ANK3: variants seen among roughly 807,000 people sequenced by gnomAD.
ANK3 encodes ankyrin 3.
ANK3 carries 57 observed loss-of-function variants against 370.9 expected under a neutral mutation model. The observed-to-expected ratio is 0.15, with a 90% CI of 0.12 to 0.19. ANK3 has a LOEUF of 0.19. Ranked by LOEUF, ANK3 falls within the 10% of genes least tolerant of loss-of-function variation. ANK3 has a pLI of 1.00. For missense variants in ANK3, 4,439 were observed against 5,302.1 expected, an observed-to-expected ratio of 0.84 and a Z score of 5.06; for synonymous variants, 1,929 against 1,946.3, an observed-to-expected ratio of 0.99 and a Z score of 0.23.
chr10:60,172,739 G>C (rs1239682728), intron 20 of ANK3, among the ~76,000 whole-genome samples, 161 bp downstream of exon 20: 1 of 152,000 alleles, frequency 6.6e-6, no homozygotes, highest in Non-Finnish European at 1.5e-5. Flanking sequence ...CTCTCTCTCT[G>C]AACAGCTCAG....
chr10:60,648,826 C>A (rs973726646), intron 1 of ANK3, among the ~76,000 whole-genome samples: 6 of 149,870 alleles, frequency 4.0e-5, no homozygotes, highest in African/African-American at 1.2e-4. Context: ...CCTCTTCCCA[C>A]CCCAGATACA....
At chr10:60,289,844 A>G (rs1190268274) in intron 1 of ANK3, among the ~76,000 whole-genome samples, 1 of 152,204 alleles carries the variant, frequency 6.6e-6, no homozygotes, top group Admixed American at 6.5e-5. Context: ...AAATGTGTTT[A>G]TTTAGAATAA....
intron 1 of ANK3, among the ~76,000 whole-genome samples, chr10:60,357,105 T>C (rs7073138): frequency 0.029 from 4,488 of 152,264 alleles, 226 homozygotes; most frequent in African/African-American, 0.1. Flanking sequence ...CCATCGTTTT[T>C]ACTCCACTAT....
At chr10:60,110,906 G>A (rs2092663545) in intron 26 of ANK3, among the ~76,000 whole-genome samples, 1 of 152,044 alleles carries the variant, frequency 6.6e-6, no homozygotes, top group African/African-American at 2.4e-5. Context: ...CACTGAGAGG[G>A]GAATGTTTGC....
At chr10:60,583,532 T>TTTTTTG (rs1330363564) in intron 2 of ANK3, among the ~76,000 whole-genome samples, 2 of 150,528 alleles carry the variant, frequency 1.3e-5, no homozygotes, top group East Asian at 1.9e-4. Context: ...TTTGTTTTTT[T>TTTTTTG]TTGAGGTGGA....
intron 34 of ANK3, 190 bp from the exon 35 acceptor site, chr10:60,082,366 G>A (rs948418347): frequency 1.2e-5 from 8 of 676,070 alleles, no homozygotes; most frequent in African/African-American, 3.7e-5. Flanking sequence ...AACATATGAC[G>A]TTATTTAAAA....
chr10:60,488,194 C>T (rs1938529), intron 2 of ANK3, among the ~76,000 whole-genome samples: 59,137 of 151,856 alleles, frequency 0.39, 11,794 homozygotes, highest in Non-Finnish European at 0.42. Flanking sequence ...TTTGGATTTT[C>T]TTTGCATGTC....
intron 2 of ANK3, among the ~76,000 whole-genome samples, chr10:60,395,713 G>A (rs1305269566): frequency 1.3e-5 from 2 of 151,738 alleles, no homozygotes; most frequent in African/African-American, 4.8e-5. Context: ...TGTGCCGAAA[G>A]AAGCATTCGT....
intron 13 of ANK3, among the ~76,000 whole-genome samples, chr10:60,199,714 C>G (rs749008963): frequency 4.1e-4 from 63 of 152,196 alleles, no homozygotes; most frequent in Admixed American, 9.2e-4. Context: ...AAAAAATCCC[C>G]CATTTTCCTT....
chr10:60,247,867 A>G (rs975881553), intron 7 of ANK3, among the ~76,000 whole-genome samples: 1 of 152,160 alleles, frequency 6.6e-6, no homozygotes, highest in African/African-American at 2.4e-5. Context: ...GCATTTCACC[A>G]TGTTGGCTAG....
chr10:60,209,954 A>C lies in ANK3; in HGVS notation c.997-1721T>G, dbSNP rs554086301. Among the ~76,000 whole-genome samples the C allele has an allele frequency of 2.0e-5, 3 of 152,314 alleles. No homozygotes were observed. The South Asian group carries it at 6.2e-4, about 32-fold the overall frequency. Reference sequence around the variant, plus strand: ...GAAGGACAAGAAAACAGTAAAGAAAAGATCATCTGCCCTATGGAAAGAGGT... The same window carrying C: ...GAAGGACAAGAAAACAGTAAAGAAACGATCATCTGCCCTATGGAAAGAGGT... On this transcript the variant is annotated intron_variant, in intron 9 of 43. Transcript: ENST00000280772.
At chr10:60,255,951 G>T (rs989718602) in intron 7 of ANK3, among the ~76,000 whole-genome samples, 1 of 152,170 alleles carries the variant, frequency 6.6e-6, no homozygotes, top group Non-Finnish European at 1.5e-5. Flanking sequence ...TGGTAAAGGG[G>T]TTCCCACTTG....
chr10:60,703,491 T>C lies in ANK3; in HGVS notation c.57+29772A>G, dbSNP rs1421946447. Among the ~76,000 whole-genome samples, 5 of 152,328 alleles carry C rather than the reference T, an allele frequency of 3.3e-5. No homozygotes were observed. In the East Asian group the frequency reaches 9.6e-4, roughly 29 times the overall value. ...TTCTACTACTCTGTCGGATTTTGTA[T>C]GTTTTAAATTGTCCACAATGAACAG... On this transcript the variant is annotated intron_variant, in intron 1 of 43. Transcript: ENST00000373827.
At chr10:60,138,564 A>G (rs2094446165) in intron 24 of ANK3, 1 of 405,762 alleles carries the variant, frequency 2.5e-6, no homozygotes, top group African/African-American at 2.1e-5. Context: ...TTATTTCAGT[A>G]ACAGAGAATA....
At chr10:60,301,695 G>T (rs1358300455) in intron 1 of ANK3, among the ~76,000 whole-genome samples, 1 of 152,072 alleles carries the variant, frequency 6.6e-6, no homozygotes, top group Non-Finnish European at 1.5e-5. Flanking sequence ...GGGATTACAG[G>T]CATGAGCCAC....
In ANK3 at chr10:60,144,413, C is replaced by T. The variant is rs543222935; in HGVS notation, c.2615-5326G>A. The stretch of plus-strand genomic sequence containing the variant: ...CACTTAGTATTGACTTGATGCATTT[C>T]GAAACTTTTATCTTGAGCACTGATG... On this transcript the variant is annotated intron_variant, in intron 23 of 43. Coordinates refer to ENST00000280772, the MANE Select transcript of ANK3 (RefSeq NM_020987.5). 1.8e-4 allele frequency among the ~76,000 whole-genome samples: 27 copies of T among 152,276 alleles called. No individual in the cohort carries two copies. In the South Asian group the frequency reaches 3.1e-3, roughly 18 times the overall value.
intron 1 of ANK3, among the ~76,000 whole-genome samples, chr10:60,374,865 ATATT>A (rs1343313542): frequency 6.6e-6 from 1 of 152,160 alleles, no homozygotes; most frequent in Non-Finnish European, 1.5e-5. Context: ...TTAAAGAAAT[ATATT>A]TATTGAAGTG....
chr10:60,489,620 C>A (rs750435117), intron 2 of ANK3, among the ~76,000 whole-genome samples: 21 of 152,128 alleles, frequency 1.4e-4, no homozygotes, highest in African/African-American at 1.9e-4. Flanking sequence ...ATTCATCTTT[C>A]ACCATGACTG....
chr10:60,421,089 CA>C (rs2063768790), intron 2 of ANK3, among the ~76,000 whole-genome samples: 2 of 151,816 alleles, frequency 1.3e-5, no homozygotes. Context: ...AAACACACAC[CA>C]AAAAATACTG....
Sources: gnomAD v4.1 joint callset for allele counts (sites outside exome capture counted in the v4.1 genomes callset) on GRCh38, gnomAD v4.1.1 for gene constraint, MANE v1.5 for transcripts, NCBI Gene and HGNC (gene_info 2026-07-23, HGNC 2026-07-21) for gene names.